Variants in CNTN6 observed in about 807,000 individuals in gnomAD.
The protein encoded by CNTN6 is contactin-6.
CNTN6 carries 137 observed loss-of-function variants against 122.8 expected under a neutral mutation model. The observed-to-expected ratio is 1.12, with a 90% CI of 0.97 to 1.29. The LOEUF is 1.29. Among genes scored for constraint, CNTN6 ranks in the 50% most tolerant of loss-of-function variants. The pLI, the probability that CNTN6 is intolerant of heterozygous loss-of-function variation, is 0.00. For missense variants in CNTN6, 1,634 were observed against 1,223.4 expected (o/e 1.34, Z -5.01); for synonymous variants, 570 against 426.0 (o/e 1.34, Z -4.16).
intron 3 of CNTN6, among the ~76,000 whole-genome samples, chr3:1,225,999 T>C (rs781627365): frequency 1.3e-5 from 2 of 152,170 alleles, no homozygotes; most frequent in Non-Finnish European, 2.9e-5. Context: ...ATTCTCCCCA[T>C]GGGATGTTTG....
chr3:1,132,763 C>T (rs908938162), intron 1 of CNTN6, among the ~76,000 whole-genome samples: 55 of 152,058 alleles, frequency 3.6e-4, no homozygotes, highest in African/African-American at 1.3e-3. Flanking sequence ...TCACTTCTTT[C>T]CCTCTTCTAG....
At chr3:1,140,581 G>A (rs1051653144) in intron 1 of CNTN6, among the ~76,000 whole-genome samples, 2 of 151,998 alleles carry the variant, frequency 1.3e-5, no homozygotes, top group African/African-American at 4.8e-5. Flanking sequence ...TGATTTTTCA[G>A]CAGTCTTAAA....
chr3:1,159,255 T>C (rs557559160), intron 2 of CNTN6, among the ~76,000 whole-genome samples: 1 of 152,024 alleles, frequency 6.6e-6, no homozygotes, highest in East Asian at 2.0e-4. Flanking sequence ...CCAAGCCCTA[T>C]ACGCATTATG....
chr3:1,286,817 A>T (rs1694431152), intron 5 of CNTN6, among the ~76,000 whole-genome samples: 1 of 152,308 alleles, frequency 6.6e-6, no homozygotes, highest in South Asian at 2.1e-4. Flanking sequence ...AAAGACACAT[A>T]GGAGACCCAC....
intron 8 of CNTN6, among the ~76,000 whole-genome samples, chr3:1,324,880 A>G (rs1172702887): frequency 6.7e-6 from 1 of 149,586 alleles, no homozygotes; most frequent in Non-Finnish European, 1.5e-5. Context: ...CATCGCTGCG[A>G]GAATCCACTG....
At chr3:1,275,553 TAA>T (rs1433361414) in intron 4 of CNTN6, among the ~76,000 whole-genome samples, 6 of 152,198 alleles carry the variant, frequency 3.9e-5, no homozygotes, top group African/African-American at 1.4e-4. Flanking sequence ...GCCAAAAGTT[TAA>T]GAGTCACCCC....
intron 5 of CNTN6, among the ~76,000 whole-genome samples, chr3:1,281,980 G>T (rs1575543473): frequency 3.9e-5 from 4 of 101,534 alleles, no homozygotes. Context: ...ATATATATAG[G>T]TATACACACA....
intron 8 of CNTN6, 151 bp from the exon 9 acceptor site, chr3:1,325,664 T>C (rs896621562): frequency 2.9e-5 from 18 of 621,790 alleles, no homozygotes; most frequent in Non-Finnish European, 4.4e-5. Context: ...GCATTGAAGC[T>C]CCTGCATGTC....
In CNTN6 at chr3:1,245,274, TACACACACATATATATATAAC is replaced by T. The variant is rs2094557870; in HGVS notation, c.358+17283_358+17303del. ...TATATATAACATATATATATATATATACACACACATATATATATAACATATATATATATATATATATATATA... is the reference window on the plus strand; with the variant it reads ...TATATATAACATATATATATATATATATATATATATATATATATATATATA... On this transcript the variant is annotated intron_variant, in intron 4 of 22. Transcript: ENST00000446702. Among the ~76,000 whole-genome samples, 11 of 3,998 alleles carry T rather than the reference TACACACACATATATATATAAC, an allele frequency of 2.8e-3. 1 individual carries two copies. The highest frequency in any genetic ancestry group is 0.014 in the East Asian group (3 of 214). 2.6% of individuals were successfully genotyped at this position (3,998 alleles called of 152,430 possible).
intron 1 of CNTN6, among the ~76,000 whole-genome samples, chr3:1,125,193 C>T (rs949661385): frequency 6.6e-6 from 1 of 151,892 alleles, no homozygotes; most frequent in African/African-American, 2.4e-5. Flanking sequence ...TTATCTAAAT[C>T]TTTACTTATC....
intron 1 of CNTN6, among the ~76,000 whole-genome samples, chr3:1,120,696 C>G (rs1278508168): frequency 6.6e-6 from 1 of 151,762 alleles, no homozygotes; most frequent in East Asian, 1.9e-4. Context: ...GAAATCTTTG[C>G]TTATCCCAAG....
At chr3:1,358,724 A>G (rs762618802) in intron 12 of CNTN6, among the ~76,000 whole-genome samples, 2 of 151,972 alleles carry the variant, frequency 1.3e-5, no homozygotes, top group Admixed American at 6.6e-5. Context: ...AGAAAATATC[A>G]TTTGTATTAA....
rs550827258 is a variant in CNTN6 at position 1,209,667 on chromosome 3, C to A, written c.56-11020C>A. ...ATTTAAAAGACAACAATTCAAAAAT[C>A]AGTCTCCCATCCCAGCCCTTAAATA... On this transcript the variant is annotated intron_variant, in intron 2 of 22. Transcript: ENST00000446702. Among the ~76,000 whole-genome samples, 16 of 128,518 alleles carry A rather than the reference C, an allele frequency of 1.2e-4. No homozygotes were observed. The South Asian group carries it at 2.8e-3, about 23-fold the overall frequency. The allele number at this position is 128,518 out of a possible 152,430, so 84.3% of individuals were successfully genotyped here. A position where few individuals can be genotyped will look rare whatever the true frequency, so the allele number is the denominator to read the frequency against.
chr3:1,265,455 G>A (rs2094912752), intron 4 of CNTN6, among the ~76,000 whole-genome samples: 1 of 152,032 alleles, frequency 6.6e-6, no homozygotes, highest in Non-Finnish European at 1.5e-5. Flanking sequence ...CTCCATCCTG[G>A]TTCTTACTCA....
At chr3:1,216,823 C>A (rs1313691596) in intron 2 of CNTN6, among the ~76,000 whole-genome samples, 1 of 152,160 alleles carries the variant, frequency 6.6e-6, no homozygotes, top group Non-Finnish European at 1.5e-5. Context: ...ATGATGGAAG[C>A]AGATCTGAGT....
At chr3:1,258,116 A>G (rs2094789136) in intron 4 of CNTN6, among the ~76,000 whole-genome samples, 1 of 152,172 alleles carries the variant, frequency 6.6e-6, no homozygotes, top group Non-Finnish European at 1.5e-5. Flanking sequence ...AGATATTGTT[A>G]ACAACAAAGC....
In CNTN6 at chr3:1,207,753, C is replaced by T. The variant is rs115246608; in HGVS notation, c.56-12934C>T. Among the ~76,000 whole-genome samples, 575 of 152,108 alleles carry T rather than the reference C, an allele frequency of 3.8e-3. 5 individuals carry two copies. Among genetic ancestry groups the T allele is most frequent in the African/African-American group, 0.013 (532 of 41,536 alleles). On this transcript the variant is annotated intron_variant, in intron 2 of 22. Coordinates refer to ENST00000446702, the MANE Select transcript of CNTN6 (RefSeq NM_001289080.2). ...TATTTTCAGGCTCTAAGATGGTTCT[C>T]GCACATAGTAATCCCACAAATAAAT...
chr3:1,285,724 G>C (rs1332727856), intron 5 of CNTN6, among the ~76,000 whole-genome samples: 1 of 152,094 alleles, frequency 6.6e-6, no homozygotes, highest in Non-Finnish European at 1.5e-5. Context: ...CTTGTCTCTG[G>C]AATTCGAAAG....
intron 4 of CNTN6, among the ~76,000 whole-genome samples, chr3:1,275,541 G>A (rs971705085): frequency 6.6e-6 from 1 of 152,032 alleles, no homozygotes; most frequent in Admixed American, 6.6e-5. Context: ...CAATTTGCTC[G>A]TGCCAAAAGT....
Sources: allele counts gnomAD v4.1 joint callset (sites outside exome capture counted in the v4.1 genomes callset), GRCh38; gene constraint gnomAD v4.1.1; transcripts MANE v1.5; gene names NCBI Gene and HGNC (gene_info 2026-07-23, HGNC 2026-07-21).